Variants in FRS2 observed in about 807,000 individuals in gnomAD.
The protein encoded by FRS2 is fibroblast growth factor receptor substrate 2, also known as FGFR signalling adaptor.
Under a neutral mutation model 43.9 loss-of-function variants are expected in FRS2, and 8 were observed. That is an observed-to-expected ratio of 0.18 (90% CI 0.11 to 0.33). The LOEUF is 0.33. Ranked by LOEUF, FRS2 falls within the 10% of genes least tolerant of loss-of-function variation. The pLI is 1.00. For synonymous variants in FRS2, 219 were observed against 220.3 expected (o/e 0.99, Z 0.05); for missense variants, 534 against 627.6 (o/e 0.85, Z 1.59).
chr12:69,530,501 G>A (rs1404546500), intron 1 of FRS2, among the ~76,000 whole-genome samples: 1 of 152,178 alleles, frequency 6.6e-6, no homozygotes, highest in East Asian at 1.9e-4. Flanking sequence ...CACTTTGGGA[G>A]GCTGAGATGG....
In FRS2 at chr12:69,577,631, A is replaced by T. The variant is rs1160690277; in HGVS notation, c.*2676A>T. 6.6e-6 allele frequency: 1 copy of T among 152,582 alleles called. No homozygotes were observed. The highest frequency in any genetic ancestry group is 6.5e-5 in the Admixed American group (1 of 15,278). The allele number at this position is 152,582 out of a possible 1,614,324, so 9.5% of individuals were successfully genotyped here. A position where few individuals can be genotyped will look rare whatever the true frequency, so the allele number is the denominator to read the frequency against. On this transcript the variant is annotated 3_prime_UTR_variant, in exon 9 of 9. Coordinates refer to ENST00000549921, the MANE Select transcript of FRS2 (RefSeq NM_001278356.2). ...CTGTTTTATCCATACAAATCATAAC[A>T]GCATCTATCCCATGCTAGGGTTGGA...
chr12:69,470,444 C>G lies in FRS2; in HGVS notation c.-347C>G. The G allele has an allele frequency of 5.0e-6, 2 of 398,580 alleles. No homozygotes were observed. Among genetic ancestry groups the G allele is most frequent in the East Asian group, 7.1e-5 (2 of 28,074 alleles). The allele number at this position is 398,580 out of a possible 1,614,324, so 24.7% of individuals were successfully genotyped here. On this transcript the variant is annotated 5_prime_UTR_variant, in exon 1 of 9. Coordinates refer to ENST00000549921, the MANE Select transcript of FRS2 (RefSeq NM_001278356.2). ...CACAGCGGCTGAGACTCGATCTGCT[C>G]CAAGTAGGGGCTCCAGCGCGGGTCG...
At chr12:69,477,206 ATT>A (rs1870869329) in intron 1 of FRS2, among the ~76,000 whole-genome samples, 1 of 148,192 alleles carries the variant, frequency 6.7e-6, no homozygotes, top group Non-Finnish European at 1.5e-5. Flanking sequence ...AGGGTTTTAT[ATT>A]TTAAAATTTA....
intron 3 of FRS2, among the ~76,000 whole-genome samples, chr12:69,536,106 T>A (rs1348060494): frequency 6.3e-5 from 2 of 31,580 alleles, no homozygotes; most frequent in Non-Finnish European, 1.1e-4. Flanking sequence ...TCATTCTTTT[T>A]TTTTTTTTTT....
intron 1 of FRS2, among the ~76,000 whole-genome samples, chr12:69,487,463 T>G (rs1872059496): frequency 6.6e-6 from 1 of 152,122 alleles, no homozygotes; most frequent in Admixed American, 6.5e-5. Flanking sequence ...TACAGCATGG[T>G]TTATTGAATA....
chr12:69,508,655 T>C (rs914136475), intron 1 of FRS2, among the ~76,000 whole-genome samples: 4 of 152,252 alleles, frequency 2.6e-5, no homozygotes, highest in African/African-American at 9.6e-5. Context: ...ACAAGGCTTA[T>C]GAAAACAGTT....
At chr12:69,561,311 A>C (rs569136077) in intron 3 of FRS2, among the ~76,000 whole-genome samples, 1 of 152,152 alleles carries the variant, frequency 6.6e-6, no homozygotes, top group South Asian at 2.1e-4. Context: ...TTCAGAGTTG[A>C]AATTGTTGCA....
chr12:69,530,210 T>C (rs1262287137), intron 1 of FRS2, among the ~76,000 whole-genome samples: 2 of 152,116 alleles, frequency 1.3e-5, no homozygotes, highest in Non-Finnish European at 2.9e-5. Context: ...TAATAATTGT[T>C]TATAATAAAT....
At chr12:69,550,606 A>C (rs1411232955) in intron 3 of FRS2, among the ~76,000 whole-genome samples, 1 of 152,226 alleles carries the variant, frequency 6.6e-6, no homozygotes, top group Non-Finnish European at 1.5e-5. Flanking sequence ...AAAACATACA[A>C]TACCACCAAA....
chr12:69,485,649 A>G (rs1871866797), intron 1 of FRS2, among the ~76,000 whole-genome samples: 1 of 151,656 alleles, frequency 6.6e-6, no homozygotes, highest in Non-Finnish European at 1.5e-5. Context: ...TGCCCGGCTA[A>G]TCAAGATGAG....
chr12:69,535,597 G>T (rs1374265715), intron 3 of FRS2, among the ~76,000 whole-genome samples: 1 of 152,116 alleles, frequency 6.6e-6, no homozygotes, highest in Non-Finnish European at 1.5e-5. Context: ...CTCCCACCTA[G>T]AATATGGCTA....
Position 69,560,103 on chromosome 12 carries a change from T to C in FRS2, c.-121-2077T>C, listed in dbSNP as rs561080070. On this transcript the variant is annotated intron_variant, in intron 3 of 8. Coordinates refer to ENST00000549921, the MANE Select transcript of FRS2 (RefSeq NM_001278356.2). ...TGCAAGAATCATATTTGGAATAATT[T>C]AGGACAGCTTTACTAAATTTATTAA... Among the ~76,000 whole-genome samples the C allele has an allele frequency of 2.0e-5, 3 of 152,316 alleles. No individual in the cohort carries two copies. The South Asian group carries it at 6.2e-4, about 32-fold the overall frequency.
At chr12:69,565,271 G>A (rs561813850) in intron 4 of FRS2, among the ~76,000 whole-genome samples, 5 of 152,308 alleles carry the variant, frequency 3.3e-5, no homozygotes, top group South Asian at 2.1e-4. Flanking sequence ...GGCACTTGCC[G>A]TGGATGGAGG....
Position 69,524,789 on chromosome 12 carries a change from A to G in FRS2, c.-260-6076A>G, listed in dbSNP as rs538602680. 7.2e-5 allele frequency among the ~76,000 whole-genome samples: 11 copies of G among 152,210 alleles called. No individual in the cohort carries two copies. In the South Asian group the frequency reaches 2.3e-3, roughly 32 times the overall value. ...GAGTTCTGCTACTACCACTTCTCTA[A>G]GTAGCTGTCCCTGCCAACTCAAGTG... is the stretch of plus-strand genomic sequence containing the variant. On this transcript the variant is annotated intron_variant, in intron 1 of 8. Coordinates refer to ENST00000549921, the MANE Select transcript of FRS2 (RefSeq NM_001278356.2).
intron 1 of FRS2, among the ~76,000 whole-genome samples, chr12:69,526,436 A>G (rs1876233265): frequency 6.6e-6 from 1 of 152,040 alleles, no homozygotes; most frequent in East Asian, 1.9e-4. Context: ...AATTAAGCTT[A>G]CGATTCAGAA....
chr12:69,490,115 A>T (rs1872332128), intron 1 of FRS2, among the ~76,000 whole-genome samples: 1 of 152,056 alleles, frequency 6.6e-6, no homozygotes, highest in Non-Finnish European at 1.5e-5. Flanking sequence ...ACTACTCTTT[A>T]TGTTACCGTT....
Position 69,532,025 on chromosome 12 carries a change from T to C in FRS2, c.-153T>C, listed in dbSNP as rs1876850821. 1 of 152,634 alleles carries C rather than the reference T, an allele frequency of 6.6e-6. No homozygotes were observed. Among genetic ancestry groups the C allele is most frequent in the Admixed American group, 6.5e-5 (1 of 15,278 alleles). 9.5% of individuals were successfully genotyped at this position (152,634 alleles called of 1,614,324 possible). The stretch of plus-strand genomic sequence containing the variant: ...TGAAATTTTTTTAGGAACAAAATTG[T>C]ATCTGTTTTTCTCAGAAGAGAATTC... On this transcript the variant is annotated 5_prime_UTR_variant, in exon 3 of 9. Coordinates refer to ENST00000549921, the MANE Select transcript of FRS2 (RefSeq NM_001278356.2).
intron 1 of FRS2, among the ~76,000 whole-genome samples, chr12:69,519,693 A>T (rs1875433620): frequency 6.6e-6 from 1 of 152,186 alleles, no homozygotes. Flanking sequence ...TTTGCTTAGG[A>T]TAATGGCCTC....
intron 1 of FRS2, among the ~76,000 whole-genome samples, chr12:69,501,761 G>C (rs868339577): frequency 6.6e-6 from 1 of 152,140 alleles, no homozygotes; most frequent in Non-Finnish European, 1.5e-5. Context: ...TGAATTGGCT[G>C]TATTACCTGA....
Sources: allele counts gnomAD v4.1 joint callset (sites outside exome capture counted in the v4.1 genomes callset), GRCh38; gene constraint gnomAD v4.1.1; transcripts MANE v1.5; gene names NCBI Gene and HGNC (gene_info 2026-07-23, HGNC 2026-07-21).